The following CRYBG1 variants were observed in gnomAD, a reference collection of about 807,000 sequenced individuals.
The protein encoded by CRYBG1 is crystallin beta-gamma domain containing 1.
Under a neutral mutation model 189.2 loss-of-function variants are expected in CRYBG1, and 139 were observed. The ratio of observed to expected loss-of-function variants is 0.73; its 90% confidence interval spans 0.64 to 0.85. The LOEUF (loss-of-function observed/expected upper bound fraction) is 0.85, where lower values mean the gene tolerates loss of function less well. CRYBG1 is among the 40% of genes least tolerant of loss of function. CRYBG1 has a pLI of 0.00. For missense variants in CRYBG1, 2,611 were observed against 2,675.8 expected, an observed-to-expected ratio of 0.98 and a Z score of 0.53; for synonymous variants, 1,023 against 1,017.1, an observed-to-expected ratio of 1.01 and a Z score of -0.11.
chr6:106,524,211 G>T, intron 4 of CRYBG1, among the ~76,000 whole-genome samples: 1 of 152,324 alleles, frequency 6.6e-6, no homozygotes, highest in East Asian at 1.9e-4. Flanking sequence ...GGTCTTGTCA[G>T]ATGGTCTTGA....
intron 18 of CRYBG1, among the ~76,000 whole-genome samples, chr6:106,559,752 C>T (rs2114596182): frequency 6.6e-6 from 1 of 151,852 alleles, no homozygotes; most frequent in South Asian, 2.1e-4. Flanking sequence ...CACCAGTGCA[C>T]TCCAGCCTGG....
intron 2 of CRYBG1, among the ~76,000 whole-genome samples, 198 bp from the exon 3 acceptor site, chr6:106,511,232 C>A (rs575967823): frequency 6.6e-6 from 1 of 152,302 alleles, no homozygotes; most frequent in East Asian, 1.9e-4. Context: ...CTGCCAGAAA[C>A]TTAAGGTGTT....
At chr6:106,456,319 A>ATT (rs34545384) in intron 2 of CRYBG1, among the ~76,000 whole-genome samples, 18,189 of 142,280 alleles carry the variant, frequency 0.13, 1,189 homozygotes, top group Middle Eastern at 0.19. Context: ...ATGCCCAGCT[A>ATT]TTTTTTTTTT....
At position 106,489,000 on chromosome 6, in the gene CRYBG1, C is replaced by T. The variant is rs76931534; in HGVS notation, c.313-22430C>T. ...AATGCAAACGCAGCTGTTTAGACTCCCAGCAACTGTTCACACTGGACTTAG... is the reference window on the plus strand; with the variant it reads ...AATGCAAACGCAGCTGTTTAGACTCTCAGCAACTGTTCACACTGGACTTAG... On this transcript the variant is annotated intron_variant, in intron 2 of 21. Coordinates refer to ENST00000633556, the MANE Select transcript of CRYBG1 (RefSeq NM_001371242.2). 2.4e-3 allele frequency among the ~76,000 whole-genome samples: 366 copies of T among 152,182 alleles called. 7 individuals are homozygous for T. The East Asian group carries it at 0.048, about 20-fold the overall frequency.
chr6:106,498,007 A>G (rs1042651146), intron 2 of CRYBG1, among the ~76,000 whole-genome samples: 3 of 152,012 alleles, frequency 2.0e-5, no homozygotes, highest in South Asian at 4.2e-4. Context: ...AGGCTGAGGC[A>G]TGAGAATCGC....
At chr6:106,476,839 G>A (rs1772344254) in intron 2 of CRYBG1, among the ~76,000 whole-genome samples, 1 of 152,200 alleles carries the variant, frequency 6.6e-6, no homozygotes, top group African/African-American at 2.4e-5. Context: ...TTAAAGCATA[G>A]ATTTTAAAGT....
intron 2 of CRYBG1, among the ~76,000 whole-genome samples, chr6:106,497,354 T>G (rs894660022): frequency 8.5e-5 from 13 of 152,228 alleles, no homozygotes; most frequent in African/African-American, 3.1e-4. Context: ...AAGTGTGAAC[T>G]GCTTCCAAGT....
intron 1 of CRYBG1, among the ~76,000 whole-genome samples, chr6:106,418,036 T>C (rs1771058140): frequency 6.6e-6 from 1 of 152,234 alleles, no homozygotes. Flanking sequence ...CTGCACTCAG[T>C]GGGTCCTGAG....
intron 1 of CRYBG1, among the ~76,000 whole-genome samples, chr6:106,389,106 C>A (rs1770447270): frequency 6.6e-6 from 1 of 152,072 alleles, no homozygotes; most frequent in African/African-American, 2.4e-5. Context: ...TTTCCCAAAT[C>A]TTCCTTTATA....
intron 13 of CRYBG1, among the ~76,000 whole-genome samples, chr6:106,550,109 T>C (rs1209098181): frequency 6.6e-6 from 1 of 152,184 alleles, no homozygotes; most frequent in Non-Finnish European, 1.5e-5. Context: ...GTGATGCTGC[T>C]TACCCATCTG....
In CRYBG1 at chr6:106,480,992, T is replaced by TTTTTTTTG. The variant is rs370373086; in HGVS notation, c.312+29160_312+29161insTTTTTTTG. 3.3e-4 allele frequency among the ~76,000 whole-genome samples: 10 copies of TTTTTTTTG among 30,340 alleles called. 2 individuals are homozygous for TTTTTTTTG. The highest frequency in any genetic ancestry group is 4.8e-4 in the African/African-American group (3 of 6,254). 19.9% of individuals were successfully genotyped at this position (30,340 alleles called of 152,430 possible). ...TCTTTTTTTTTTTTTTTTTTTTTTT[T>TTTTTTTTG]AGACGGAGTCTCGCTCTGTCGCCCA... On this transcript the variant is annotated intron_variant, in intron 2 of 21. Transcript: ENST00000633556.
chr6:106,394,546 C>T lies in CRYBG1; in HGVS notation c.173+33465C>T, dbSNP rs1260995304. 5.1e-4 allele frequency among the ~76,000 whole-genome samples: 77 copies of T among 152,138 alleles called. 1 individual carries two copies. The stretch of plus-strand genomic sequence containing the variant: ...ATTCTAAGTAAACCGAACATGAGGG[C>T]ACATTGACTTTTATTCCCAGCATTG... On this transcript the variant is annotated intron_variant, in intron 1 of 21. Transcript: ENST00000633556.
In CRYBG1 at chr6:106,541,763, C is replaced by T. The variant is rs1774136109; in HGVS notation, c.4881+142C>T. On this transcript the variant is annotated intron_variant, in intron 10 of 21. Coordinates refer to ENST00000633556, the MANE Select transcript of CRYBG1 (RefSeq NM_001371242.2). ...CTTCTCATATTAAACCTCTGTCACA[C>T]ATAAATGCAGCCAAAGGAAGTTGCC... is the stretch of plus-strand genomic sequence containing the variant. The T allele has an allele frequency of 9.5e-5, 64 of 670,214 alleles. 1 individual carries two copies. In the South Asian group the frequency reaches 1.2e-3, roughly 13 times the overall value. The allele number at this position is 670,214 out of a possible 1,614,324, so 41.5% of individuals were successfully genotyped here.
chr6:106,416,356 A>G (rs182511862), intron 1 of CRYBG1, among the ~76,000 whole-genome samples: 1 of 152,232 alleles, frequency 6.6e-6, no homozygotes. Context: ...CTTGGTTTAC[A>G]GCAGCAGGGA....
At chr6:106,533,417 TG>T (rs1432362082) in intron 8 of CRYBG1, among the ~76,000 whole-genome samples, 5 of 152,244 alleles carry the variant, frequency 3.3e-5, no homozygotes, top group Non-Finnish European at 7.3e-5. Flanking sequence ...CTACGTGGCA[TG>T]GAGAATCATT....
chr6:106,392,061 A>T (rs1308302666), intron 1 of CRYBG1, among the ~76,000 whole-genome samples: 1 of 152,036 alleles, frequency 6.6e-6, no homozygotes, highest in Non-Finnish European at 1.5e-5. Context: ...AGATAAGTTC[A>T]TCATATTAGC....
At chr6:106,388,544 T>G (rs748863009) in intron 1 of CRYBG1, among the ~76,000 whole-genome samples, 1 of 152,210 alleles carries the variant, frequency 6.6e-6, no homozygotes, top group African/African-American at 2.4e-5. Flanking sequence ...TGTAATTTTA[T>G]GTGTGTTAAA....
chr6:106,453,418 A>G (rs796979411), intron 2 of CRYBG1, among the ~76,000 whole-genome samples: 1 of 152,210 alleles, frequency 6.6e-6, no homozygotes, highest in South Asian at 2.1e-4. Flanking sequence ...AATTTAAAAA[A>G]TTAAGTAAAC....
intron 1 of CRYBG1, among the ~76,000 whole-genome samples, chr6:106,412,741 T>C (rs1190419081): frequency 6.6e-6 from 1 of 152,196 alleles, no homozygotes; most frequent in African/African-American, 2.4e-5. Context: ...ACAAAGATTA[T>C]TATCCTTTAT....
Sources: gnomAD v4.1 joint callset for allele counts (sites outside exome capture counted in the v4.1 genomes callset) on GRCh38, gnomAD v4.1.1 for gene constraint, MANE v1.5 for transcripts, NCBI Gene and HGNC (gene_info 2026-07-23, HGNC 2026-07-21) for gene names.